Variants in ACACA observed in about 807,000 individuals in gnomAD.
The protein encoded by ACACA is acetyl-CoA carboxylase alpha, also known as acetyl-CoA carboxylase 1.
A neutral mutation model predicts 296.1 loss-of-function variants in ACACA; 103 were observed. That is an observed-to-expected ratio of 0.35 (90% CI 0.30 to 0.41). The LOEUF (loss-of-function observed/expected upper bound fraction) is 0.41, where lower values mean the gene tolerates loss of function less well. Ranked by LOEUF, ACACA falls within the 10% of genes least tolerant of loss-of-function variation. The pLI is 1.00. For missense variants in ACACA, 1,554 were observed against 2,989.7 expected (o/e 0.52, Z 11.20); for synonymous variants, 953 against 1,038.6 (o/e 0.92, Z 1.58).
chr17:37,146,329 T>G (rs2075805175), intron 45 of ACACA, among the ~76,000 whole-genome samples: 1 of 150,494 alleles, frequency 6.6e-6, no homozygotes, highest in Non-Finnish European at 1.5e-5. Context: ...TCATATCTAT[T>G]AAAGGAAGAA....
intron 3 of ACACA, among the ~76,000 whole-genome samples, chr17:37,294,819 GT>G (rs2083252141): frequency 6.6e-6 from 1 of 152,230 alleles, no homozygotes; most frequent in African/African-American, 2.4e-5. Flanking sequence ...CCCCTTTGGG[GT>G]CCAGTCTCAG....
At chr17:37,152,118 C>T (rs1392868822) in intron 43 of ACACA, among the ~76,000 whole-genome samples, 1 of 152,150 alleles carries the variant, frequency 6.6e-6, no homozygotes, top group African/African-American at 2.4e-5. Flanking sequence ...TAAATCCTTG[C>T]TCTGATACAC....
intron 41 of ACACA, among the ~76,000 whole-genome samples, chr17:37,173,342 A>G (rs1567760195): frequency 6.6e-6 from 1 of 152,188 alleles, no homozygotes; most frequent in Non-Finnish European, 1.5e-5. Flanking sequence ...GGTTTTTCTA[A>G]AATAAGAGGT....
At chr17:37,132,602 C>A (rs2075152288) in intron 45 of ACACA, among the ~76,000 whole-genome samples, 1 of 152,170 alleles carries the variant, frequency 6.6e-6, no homozygotes, top group Non-Finnish European at 1.5e-5. Flanking sequence ...ATCTGATATT[C>A]ACAATCTAGG....
chr17:37,155,177 A>G (rs1350648022), intron 43 of ACACA, among the ~76,000 whole-genome samples: 1 of 152,186 alleles, frequency 6.6e-6, no homozygotes, highest in Non-Finnish European at 1.5e-5. Context: ...GTGAAAAATT[A>G]GAAATAGTCT....
intron 3 of ACACA, among the ~76,000 whole-genome samples, chr17:37,318,942 TTATAAAATTC>T (rs1182251242): frequency 6.6e-6 from 1 of 152,214 alleles, no homozygotes; most frequent in Non-Finnish European, 1.5e-5. Context: ...CATAAAATGA[TTATAAAATTC>T]ATTAAAATAT....
At chr17:37,205,265 G>A (rs2078445527) in intron 33 of ACACA, among the ~76,000 whole-genome samples, 1 of 152,196 alleles carries the variant, frequency 6.6e-6, no homozygotes, top group East Asian at 1.9e-4. Flanking sequence ...TGAGGGGATT[G>A]GAGAGGGACG....
chr17:37,403,667 C>G (rs572705372), intron 1 of ACACA, among the ~76,000 whole-genome samples: 1 of 152,088 alleles, frequency 6.6e-6, no homozygotes, highest in African/African-American at 2.4e-5. Flanking sequence ...TGTGAGGCAC[C>G]GTGTCCTGCC....
chr17:37,396,955 G>A (rs1350906467), intron 1 of ACACA, among the ~76,000 whole-genome samples: 1 of 151,982 alleles, frequency 6.6e-6, no homozygotes. Context: ...TATTACATAT[G>A]TATACATGTG....
intron 1 of ACACA, among the ~76,000 whole-genome samples, chr17:37,348,361 A>G (rs779649405): frequency 5.0e-4 from 76 of 152,170 alleles, no homozygotes; most frequent in Non-Finnish European, 7.9e-4. Flanking sequence ...TAATGAATAA[A>G]AAGAGACACC....
chr17:37,187,302 T>C (rs2077575228), intron 39 of ACACA, among the ~76,000 whole-genome samples: 1 of 152,184 alleles, frequency 6.6e-6, no homozygotes, highest in Non-Finnish European at 1.5e-5. Context: ...AAAATATATT[T>C]TCCTGACTCT....
At chr17:37,138,787 C>T (rs977989214) in intron 45 of ACACA, among the ~76,000 whole-genome samples, 1 of 152,222 alleles carries the variant, frequency 6.6e-6, no homozygotes, top group African/African-American at 2.4e-5. Context: ...TGATTCACAA[C>T]AAATTCATGA....
At chr17:37,301,653 C>T (rs922423214) in intron 3 of ACACA, among the ~76,000 whole-genome samples, 11 of 152,198 alleles carry the variant, frequency 7.2e-5, no homozygotes, top group South Asian at 2.1e-4. Flanking sequence ...AAATTCTGAT[C>T]CATTGACCTA....
intron 41 of ACACA, among the ~76,000 whole-genome samples, chr17:37,170,058 T>A (rs1278687665): frequency 1.3e-5 from 2 of 152,100 alleles, no homozygotes; most frequent in Non-Finnish European, 2.9e-5. Context: ...ACTATAGCCA[T>A]GAATAAGTTT....
intron 1 of ACACA, among the ~76,000 whole-genome samples, chr17:37,397,845 A>G (rs1178456286): frequency 6.6e-6 from 1 of 152,102 alleles, no homozygotes; most frequent in African/African-American, 2.4e-5. Flanking sequence ...TAATTGAGGA[A>G]CTTTCACTGG....
chr17:37,224,966 T>TTATATA lies in ACACA; in HGVS notation c.3474+20_3474+25dup, dbSNP rs200129602. The TTATATA allele has an allele frequency of 2.1e-4, 194 of 912,182 alleles. 1 individual carries two copies. The highest frequency in any genetic ancestry group is 1.4e-3 in the African/African-American group (78 of 55,278). 56.5% of individuals were successfully genotyped at this position (912,182 alleles called of 1,614,324 possible). The stretch of plus-strand genomic sequence containing the variant: ...AAGAGTCCAGATAGGCAGGAAAGGG[T>TTATATA]TATATATATATATATATATATATAC... On this transcript the variant is annotated intron_variant, in intron 27 of 55. Transcript: ENST00000616317.
At chr17:37,167,386 T>C (rs1400361498) in intron 41 of ACACA, among the ~76,000 whole-genome samples, 1 of 151,388 alleles carries the variant, frequency 6.6e-6, no homozygotes, top group Non-Finnish European at 1.5e-5. Flanking sequence ...TGATGCAATC[T>C]TGGCTTGCTG....
intron 1 of ACACA, among the ~76,000 whole-genome samples, chr17:37,362,521 TGAGAA>T (rs2049441517): frequency 6.6e-6 from 1 of 152,198 alleles, no homozygotes; most frequent in South Asian, 2.1e-4. Flanking sequence ...TAGCCATAGA[TGAGAA>T]AAGATAAATT....
intron 39 of ACACA, among the ~76,000 whole-genome samples, chr17:37,183,673 A>G (rs2077409696): frequency 6.6e-6 from 1 of 151,526 alleles, no homozygotes; most frequent in South Asian, 2.1e-4. Context: ...CTAAAAATAC[A>G]AAAAAAAGGC....
Sources: gnomAD v4.1 joint callset for allele counts (sites outside exome capture counted in the v4.1 genomes callset) on GRCh38, gnomAD v4.1.1 for gene constraint, MANE v1.5 for transcripts, NCBI Gene and HGNC (gene_info 2026-07-23, HGNC 2026-07-21) for gene names.